The following TBCCD1 variants were observed in gnomAD, a reference collection of about 807,000 sequenced individuals.
TBCCD1 encodes the protein TBCC domain containing 1.
Under a neutral mutation model 53.4 loss-of-function variants are expected in TBCCD1, and 26 were observed. The observed-to-expected ratio is 0.49, with a 90% CI of 0.36 to 0.68. TBCCD1 has a LOEUF of 0.68. TBCCD1 is among the 30% of genes least tolerant of loss of function. TBCCD1 has a pLI of 0.00. For synonymous variants in TBCCD1, 245 were observed against 241.7 expected (o/e 1.01, Z -0.13); for missense variants, 558 against 669.5 (o/e 0.83, Z 1.84).
chr3:186,555,144 CAT>C (rs1714500162), intron 4 of TBCCD1, 60 bp from the exon 5 acceptor site: 4 of 1,498,560 alleles, frequency 2.7e-6, no homozygotes, highest in Non-Finnish European at 3.6e-6. Flanking sequence ...AACAAACAAA[CAT>C]ATGAGGTTAC....
At chr3:186,549,145 G>A (rs747353735) in intron 7 of TBCCD1, among the ~76,000 whole-genome samples, 16 of 151,904 alleles carry the variant, frequency 1.1e-4, no homozygotes, top group South Asian at 2.1e-4. Flanking sequence ...AAAATTAGCC[G>A]GGTGCGGTGG....
At chr3:186,567,102 G>GGGCCGCCCCAGCGTCGC (rs1714855075) in intron 1 of TBCCD1, among the ~76,000 whole-genome samples, 165 bp downstream of exon 1, 1 of 152,224 alleles carries the variant, frequency 6.6e-6, no homozygotes. Context: ...GACTCTGCGT[G>GGGCCGCCCCAGCGTCGC]GGCCGCCCCA....
At chr3:186,551,449 G>A (rs1164456373) in intron 6 of TBCCD1, among the ~76,000 whole-genome samples, 170 bp from the exon 7 acceptor site, 1 of 152,136 alleles carries the variant, frequency 6.6e-6, no homozygotes, top group East Asian at 1.9e-4. Flanking sequence ...CCCCACAAAG[G>A]ATTGATCAGA....
At chr3:186,554,156 T>G in intron 6 of TBCCD1, 98 bp downstream of exon 6, 3 of 1,546,438 alleles carry the variant, frequency 1.9e-6, no homozygotes, top group African/African-American at 2.8e-5. Context: ...CCTTACATTT[T>G]TTATTACTTT....
chr3:186,559,801 C>T (rs894564055), intron 2 of TBCCD1, among the ~76,000 whole-genome samples: 7 of 152,154 alleles, frequency 4.6e-5, no homozygotes, highest in East Asian at 1.9e-4. Context: ...ACCCTTTACC[C>T]GCCTTGCCAA....
intron 2 of TBCCD1, among the ~76,000 whole-genome samples, chr3:186,563,653 T>C (rs531665184): frequency 2.6e-5 from 4 of 152,366 alleles, no homozygotes; most frequent in African/African-American, 7.2e-5. Flanking sequence ...TAAGGACTAA[T>C]TCATTGAATA....
intron 2 of TBCCD1, among the ~76,000 whole-genome samples, chr3:186,563,009 A>G (rs1714729515): frequency 6.6e-6 from 1 of 152,260 alleles, no homozygotes; most frequent in African/African-American, 2.4e-5. Flanking sequence ...AAAATGGGCA[A>G]GAAATAAACC....
In TBCCD1 at chr3:186,546,329, C is replaced by A. The variant is rs549506938; in HGVS notation, c.*648G>T. 1 of 151,496 alleles carries A rather than the reference C, an allele frequency of 6.6e-6. No homozygotes were observed. Among genetic ancestry groups the A allele is most frequent in the Non-Finnish European group, 1.5e-5 (1 of 67,820 alleles). The allele number at this position is 151,496 out of a possible 1,614,324, so 9.4% of individuals were successfully genotyped here. A position where few individuals can be genotyped will look rare whatever the true frequency, so the allele number is the denominator to read the frequency against. ...CTCTTTCATCACACAAATGAAGATACACACTATAGTTGCAAATCTACACTC... is the reference window on the plus strand; with the variant it reads ...CTCTTTCATCACACAAATGAAGATAAACACTATAGTTGCAAATCTACACTC... On this transcript the variant is annotated 3_prime_UTR_variant, in exon 8 of 8. Transcript: ENST00000338733.
chr3:186,570,412 T>C, upstream of TBCCD1: 2 of 476,084 alleles, frequency 4.2e-6, no homozygotes, highest in Non-Finnish European at 7.4e-6. Flanking sequence ...TCCGAGGAAG[T>C]GGGCAAGCCG....
intron 1 of TBCCD1, among the ~76,000 whole-genome samples, chr3:186,565,474 C>T (rs992634264): frequency 1.3e-5 from 2 of 152,166 alleles, no homozygotes; most frequent in African/African-American, 4.8e-5. Flanking sequence ...TGTGATGTTA[C>T]ATACACAATT....
intron 6 of TBCCD1, 65 bp from the exon 7 acceptor site, chr3:186,551,344 C>T: frequency 1.5e-6 from 2 of 1,366,542 alleles, no homozygotes; most frequent in Non-Finnish European, 2.0e-6. Flanking sequence ...GTACTCTAAG[C>T]AATTATACAA....
intron 2 of TBCCD1, among the ~76,000 whole-genome samples, chr3:186,559,084 T>C (rs1015461693): frequency 3.3e-5 from 5 of 152,096 alleles, no homozygotes; most frequent in African/African-American, 9.7e-5. Flanking sequence ...TAATTTACCT[T>C]CACAGAAAGC....
intron 3 of TBCCD1, 142 bp from the exon 4 acceptor site, chr3:186,556,917 T>C: frequency 1.1e-5 from 12 of 1,065,420 alleles, no homozygotes; most frequent in Non-Finnish European, 1.6e-5. Context: ...ATAAAGGTGA[T>C]CCGCCCGGCT....
rs1018129649 is a variant in TBCCD1 at position 186,551,015 on chromosome 3, G to A, written c.*21+114C>T. 27 of 1,077,836 alleles carry A rather than the reference G, an allele frequency of 2.5e-5. 1 individual carries two copies. In the South Asian group the frequency reaches 5.0e-4, roughly 20 times the overall value. 66.8% of individuals were successfully genotyped at this position (1,077,836 alleles called of 1,614,324 possible). On this transcript the variant is annotated intron_variant, in intron 7 of 7. Coordinates refer to ENST00000338733, the MANE Select transcript of TBCCD1 (RefSeq NM_018138.5). ...GGGTACATAAAGGTCCGTGTATGCT[G>A]GTAGGAGCGGTAGAAAAAATTTGGG...
intron 3 of TBCCD1, 49 bp downstream of exon 3, chr3:186,558,368 C>T (rs369328074): frequency 1.4e-4 from 222 of 1,567,836 alleles, no homozygotes; most frequent in African/African-American, 1.4e-3. Context: ...GAACCATCTC[C>T]CACACAAATT....
intron 6 of TBCCD1, 59 bp from the exon 7 acceptor site, chr3:186,551,338 T>C (rs1039026642): frequency 4.1e-5 from 59 of 1,435,482 alleles, no homozygotes; most frequent in Non-Finnish European, 5.5e-5. Context: ...TAAATTGTAC[T>C]CTAAGCAATT....
upstream of TBCCD1, chr3:186,567,406 A>C (rs1714872082): frequency 6.6e-6 from 1 of 152,164 alleles, no homozygotes; most frequent in Non-Finnish European, 1.5e-5. Context: ...CACCACCGAG[A>C]CCTGGCGGAC....
rs778978077 is a variant in TBCCD1, at chr3:186,554,878, A to T, written c.1046+20T>A. 48 of 1,610,960 alleles carry T rather than the reference A, an allele frequency of 3.0e-5. No individual in the cohort carries two copies. The South Asian group carries it at 5.2e-4, about 17-fold the overall frequency. On this transcript the variant is annotated intron_variant, in intron 5 of 7. Coordinates refer to ENST00000338733, the MANE Select transcript of TBCCD1 (RefSeq NM_018138.5). ...AAAGAAAATGTCAGAACATCAGAAC[A>T]CCATGAAAACTGTGCTTACCGTAAG... is the stretch of plus-strand genomic sequence containing the variant.
chr3:186,551,431 C>CAGTGAGA, intron 6 of TBCCD1, 152 bp from the exon 7 acceptor site: 2 of 735,070 alleles, frequency 2.7e-6, no homozygotes, highest in Non-Finnish European at 4.3e-6. Flanking sequence ...GTACACTGGA[C>CAGTGAGA]ACCCCCACCC....
Sources: gnomAD v4.1 joint callset for allele counts (sites outside exome capture counted in the v4.1 genomes callset) on GRCh38, gnomAD v4.1.1 for gene constraint, MANE v1.5 for transcripts, NCBI Gene and HGNC (gene_info 2026-07-23, HGNC 2026-07-21) for gene names.